Variants in HECW2 observed in about 807,000 individuals in gnomAD.
HECW2 encodes the protein E3 ubiquitin-protein ligase HECW2.
Under a neutral mutation model 175.2 loss-of-function variants are expected in HECW2, and 61 were observed. That is an observed-to-expected ratio of 0.35 (90% confidence interval 0.28 to 0.43). HECW2 has a LOEUF of 0.43. HECW2 is among the 20% of genes least tolerant of loss of function. The probability of loss-of-function intolerance (pLI) is 1.00; values close to 1 mark genes in which losing one functional copy is unlikely to be tolerated. For missense variants in HECW2, 1,524 were observed against 2,000.5 expected (o/e 0.76, Z 4.54); for synonymous variants, 671 against 731.0 (o/e 0.92, Z 1.32).
intron 1 of HECW2, among the ~76,000 whole-genome samples, chr2:196,582,785 A>C (rs893799581): frequency 6.6e-6 from 1 of 152,200 alleles, no homozygotes; most frequent in Non-Finnish European, 1.5e-5. Flanking sequence ...TAACCAACAA[A>C]TTACACCCAA....
chr2:196,455,379 C>A (rs963602025), intron 1 of HECW2, among the ~76,000 whole-genome samples: 112 of 152,282 alleles, frequency 7.4e-4, no homozygotes, highest in African/African-American at 2.6e-3. Flanking sequence ...TCAATCATAT[C>A]ATTTATAAAT....
rs1277547819 is a variant in HECW2 at position 196,215,985 on chromosome 2, C to A, written c.4495-8G>T. Reference sequence around the variant, plus strand: ...GGATGTGCCTGTAACAAACTGTCAACCCAAGAAAACAGAAGGAGAAGGTGA... The same window carrying A: ...GGATGTGCCTGTAACAAACTGTCAAACCAAGAAAACAGAAGGAGAAGGTGA... On this transcript the variant is annotated splice_region_variant and splice_polypyrimidine_tract_variant and intron_variant, in intron 27 of 28. Coordinates refer to ENST00000644978, the MANE Select transcript of HECW2 (RefSeq NM_001348768.2). 7 of 1,595,320 alleles carry A rather than the reference C, an allele frequency of 4.4e-6. No homozygotes were observed. Among genetic ancestry groups the A allele is most frequent in the Non-Finnish European group, 6.0e-6 (7 of 1,163,388 alleles).
chr2:196,587,599 T>G (rs1033153803), intron 1 of HECW2, among the ~76,000 whole-genome samples: 8 of 152,190 alleles, frequency 5.3e-5, no homozygotes, highest in African/African-American at 1.9e-4. Flanking sequence ...TTTTGTGAAA[T>G]GGGAATACAA....
chr2:196,331,135 T>C (rs1275167497), intron 4 of HECW2: 1 of 985,212 alleles, frequency 1.0e-6, no homozygotes, highest in African/African-American at 1.7e-5. Flanking sequence ...CTTAACTGCA[T>C]CCTGATTGCT....
intron 1 of HECW2, among the ~76,000 whole-genome samples, chr2:196,497,747 C>A (rs1460917050): frequency 6.6e-6 from 1 of 152,212 alleles, no homozygotes; most frequent in Non-Finnish European, 1.5e-5. Flanking sequence ...TTACCTCCAC[C>A]TTTCCTTGCA....
chr2:196,460,736 A>G (rs1471522270), intron 1 of HECW2, among the ~76,000 whole-genome samples: 5 of 150,430 alleles, frequency 3.3e-5, no homozygotes, highest in African/African-American at 1.2e-4. Context: ...TCAGCCTCCC[A>G]AGTAACTGGG....
intron 1 of HECW2, among the ~76,000 whole-genome samples, chr2:196,564,578 T>C (rs1001701228): frequency 2.0e-5 from 3 of 152,200 alleles, no homozygotes; most frequent in Non-Finnish European, 4.4e-5. Context: ...ATGCAACAGA[T>C]GGATCTTATG....
chr2:196,551,594 G>T (rs1034236685), intron 1 of HECW2, among the ~76,000 whole-genome samples: 1 of 151,950 alleles, frequency 6.6e-6, no homozygotes, highest in African/African-American at 2.4e-5. Context: ...CTTTATACTG[G>T]TATAATATAA....
Position 196,318,670 on chromosome 2 carries a change from C to G in HECW2, c.2220G>C (p.Arg740Ser), listed in dbSNP as rs202205403. ...CAGCTGCAGCTCCCTCCAGGCTCCC[C>G]CTCCGCTGCCAGACCTCCCCCAGCT... The part of the protein sequence containing the change: ...QEELGEVWQR[R>S]GSLEGAAAAA... Residue 740 changes from arginine to serine, a missense_variant, in exon 9 of 29, where the codon AGG (arginine) becomes AGC (serine). This residue lies in a region of HECW2 where 604 missense variants were observed against 588.3 expected (regional missense o/e 1.03). Transcript: ENST00000644978. The G allele has an allele frequency of 8.0e-4, 1,288 of 1,600,328 alleles. 9 individuals are homozygous for G. Among genetic ancestry groups the G allele is most frequent in the Non-Finnish European group, 7.6e-4 (892 of 1,172,806 alleles).
intron 13 of HECW2, among the ~76,000 whole-genome samples, chr2:196,301,235 C>T (rs1413755823): frequency 6.6e-6 from 1 of 152,118 alleles, no homozygotes; most frequent in Non-Finnish European, 1.5e-5. Context: ...GCACAGTATT[C>T]CATGGTATAT....
At chr2:196,586,277 C>A (rs1690971637) in intron 1 of HECW2, among the ~76,000 whole-genome samples, 1 of 152,242 alleles carries the variant, frequency 6.6e-6, no homozygotes, top group Non-Finnish European at 1.5e-5. Context: ...CCTTCCCTCT[C>A]TGTCCTTGCC....
At chr2:196,383,300 C>T (rs775389339) in intron 2 of HECW2, among the ~76,000 whole-genome samples, 2 of 152,134 alleles carry the variant, frequency 1.3e-5, no homozygotes, top group African/African-American at 2.4e-5. Flanking sequence ...GAGGCCAATC[C>T]AGGTGGAGAT....
intron 28 of HECW2, among the ~76,000 whole-genome samples, chr2:196,207,776 C>G (rs1687124585): frequency 6.6e-6 from 1 of 151,856 alleles, no homozygotes; most frequent in Admixed American, 6.5e-5. Flanking sequence ...AATCTATTCA[C>G]TAATTAATGT....
At chr2:196,259,519 TG>T (rs1046277002) in intron 17 of HECW2, among the ~76,000 whole-genome samples, 4 of 152,242 alleles carry the variant, frequency 2.6e-5, no homozygotes, top group African/African-American at 9.6e-5. Context: ...CTTTAGTATT[TG>T]CCAAACTTTC....
At chr2:196,420,087 A>C (rs1175838526) in intron 2 of HECW2, among the ~76,000 whole-genome samples, 2 of 152,246 alleles carry the variant, frequency 1.3e-5, no homozygotes, top group African/African-American at 4.8e-5. Context: ...ATGAACATAC[A>C]TTTGGAGTTT....
At chr2:196,252,217 G>T (rs36119618) in intron 19 of HECW2, among the ~76,000 whole-genome samples, 4,571 of 28,144 alleles carry the variant, frequency 0.16, 106 homozygotes, top group South Asian at 0.25. Flanking sequence ...ATAATAATAA[G>T]GCTTCAATGA....
intron 19 of HECW2, among the ~76,000 whole-genome samples, chr2:196,247,205 C>T (rs188285204): frequency 2.0e-3 from 298 of 152,234 alleles, no homozygotes; most frequent in African/African-American, 6.8e-3. Flanking sequence ...GAGCCGACAT[C>T]GCACCACTGC....
chr2:196,389,560 G>A (rs1694447115), intron 2 of HECW2, among the ~76,000 whole-genome samples: 2 of 152,156 alleles, frequency 1.3e-5, no homozygotes, highest in Admixed American at 1.3e-4. Context: ...ACAGCCTGGG[G>A]AATGTAACTT....
chr2:196,534,163 C>A (rs1006329455), intron 1 of HECW2, among the ~76,000 whole-genome samples: 1 of 152,080 alleles, frequency 6.6e-6, no homozygotes, highest in African/African-American at 2.4e-5. Context: ...TTTTAGCATC[C>A]TTTACAAGAT....
Sources: gnomAD v4.1 joint callset for allele counts (sites outside exome capture counted in the v4.1 genomes callset) on GRCh38, gnomAD v4.1.1 for gene constraint, gnomAD v4.1.1 regional missense constraint, MANE v1.5 for transcripts, NCBI Gene and HGNC (gene_info 2026-07-23, HGNC 2026-07-21) for gene names.